Variants in SLC2A13 observed in about 807,000 individuals in gnomAD.
SLC2A13 encodes solute carrier family 2 member 13.
Under a neutral mutation model 64.4 loss-of-function variants are expected in SLC2A13, and 32 were observed. The ratio of observed to expected loss-of-function variants is 0.50; its 90% confidence interval spans 0.37 to 0.67. SLC2A13 has a LOEUF of 0.67. SLC2A13 is among the 30% of genes least tolerant of loss of function. SLC2A13 has a pLI of 0.00. For missense variants in SLC2A13, 743 were observed against 829.2 expected, an observed-to-expected ratio of 0.90 and a Z score of 1.28; for synonymous variants, 338 against 327.1, an observed-to-expected ratio of 1.03 and a Z score of -0.36.
At position 39,830,113 on chromosome 12, in the gene SLC2A13, C is replaced by G; in HGVS notation, c.1435G>C (p.Ala479Pro). ...PVNKASTNEA[A>P]WGRCENETKF... ...AAATGAGTGATATACCTGCCCCAGG[C>G]TGCCTCATTTGTAGATGCTTTATTA... Residue 479 changes from alanine (A) to proline (P), a missense_variant, in exon 7 of 10, where the codon GCC becomes CCC. Physicochemically the swap from Ala to Pro is conservative, Grantham distance 27. Around this residue, in one of 2 missense-constraint regions of SLC2A13, gnomAD observed 295 missense variants for 381.7 expected, o/e 0.77. Transcript: ENST00000280871. The G allele has an allele frequency of 1.2e-6, 2 of 1,613,670 alleles. No homozygotes were observed. The highest frequency in any genetic ancestry group is 1.7e-6 in the Non-Finnish European group (2 of 1,179,742).
intron 4 of SLC2A13, among the ~76,000 whole-genome samples, chr12:39,945,234 T>A (rs1041741197): frequency 3.3e-5 from 5 of 152,224 alleles, no homozygotes; most frequent in African/African-American, 1.2e-4. Flanking sequence ...CTGCTGTTCA[T>A]CTGATAGGTT....
intron 3 of SLC2A13, among the ~76,000 whole-genome samples, chr12:40,001,541 A>G (rs2136182657): frequency 6.6e-6 from 1 of 152,340 alleles, no homozygotes; most frequent in East Asian, 1.9e-4. Flanking sequence ...GCAGGAAAAG[A>G]TAAAGAAAAT....
At position 39,871,946 on chromosome 12, in the gene SLC2A13, G is replaced by T. The variant is rs138677926; in HGVS notation, c.1050C>A (p.Thr350=). 5.9e-5 allele frequency: 95 copies of T among 1,605,518 alleles called. No individual in the cohort carries two copies. The highest frequency in any genetic ancestry group is 3.3e-4 in the Middle Eastern group (2 of 6,040). The change falls in exon 5 of 10, where the codon ACC becomes ACA. Residue 350 remains threonine, a synonymous_variant. Coordinates refer to ENST00000280871, the MANE Select transcript of SLC2A13 (RefSeq NM_052885.4). ...GINTIMYYSA[T]ILQMSGVEDD... is the part of the protein sequence containing the mutation. ...CTTCAACACCAGACATCTGCAGAATGGTTGCACTGTAGTACCTGCAAAGCA... is the reference window on the plus strand; with the variant it reads ...CTTCAACACCAGACATCTGCAGAATTGTTGCACTGTAGTACCTGCAAAGCA...
intron 1 of SLC2A13, among the ~76,000 whole-genome samples, chr12:40,101,338 T>C (rs924446145): frequency 6.6e-5 from 10 of 152,200 alleles, no homozygotes; most frequent in Admixed American, 5.2e-4. Flanking sequence ...ATACAATTCA[T>C]TTAATACCCA....
chr12:39,851,456 C>G (rs1172320038), intron 6 of SLC2A13, among the ~76,000 whole-genome samples: 4 of 152,096 alleles, frequency 2.6e-5, no homozygotes, highest in Non-Finnish European at 5.9e-5. Context: ...TAAAAATGAG[C>G]AGTGCACTTT....
At chr12:39,800,183 G>T (rs190019520) in intron 7 of SLC2A13, among the ~76,000 whole-genome samples, 13 of 152,294 alleles carry the variant, frequency 8.5e-5, no homozygotes, top group African/African-American at 2.6e-4. Context: ...CATTTTTGCA[G>T]AAAGGTAATT....
chr12:39,853,808 A>T (rs1943531655), intron 6 of SLC2A13, among the ~76,000 whole-genome samples: 1 of 152,152 alleles, frequency 6.6e-6, no homozygotes, highest in African/African-American at 2.4e-5. Flanking sequence ...CCAGAATTTC[A>T]TTTATGTTAC....
At chr12:39,893,652 T>C (rs576221002) in intron 4 of SLC2A13, among the ~76,000 whole-genome samples, 1 of 152,194 alleles carries the variant, frequency 6.6e-6, no homozygotes, top group Admixed American at 6.5e-5. Context: ...AAAAGTAAGA[T>C]AAAAGTTAAA....
intron 3 of SLC2A13, among the ~76,000 whole-genome samples, chr12:39,958,591 C>T (rs1013314370): frequency 1.2e-4 from 19 of 152,100 alleles, no homozygotes; most frequent in African/African-American, 3.6e-4. Context: ...CCCACTGAAT[C>T]CTCCACTTAC....
chr12:39,800,361 A>G (rs1434590040), intron 7 of SLC2A13, among the ~76,000 whole-genome samples: 1 of 152,098 alleles, frequency 6.6e-6, no homozygotes, highest in Non-Finnish European at 1.5e-5. Flanking sequence ...CAAAGGGCTA[A>G]TATCCAGAAT....
intron 2 of SLC2A13, among the ~76,000 whole-genome samples, chr12:40,043,180 G>A (rs1352464691): frequency 6.6e-6 from 1 of 152,030 alleles, no homozygotes; most frequent in Non-Finnish European, 1.5e-5. Flanking sequence ...GCCCAGATAA[G>A]TTTTCTAGAC....
intron 1 of SLC2A13, among the ~76,000 whole-genome samples, chr12:40,081,753 T>C (rs1312898157): frequency 1.3e-5 from 2 of 152,262 alleles, no homozygotes; most frequent in Non-Finnish European, 2.9e-5. Context: ...TGACACTCTC[T>C]GGCTTTTTGA....
chr12:40,069,709 T>G (rs1937878750), intron 1 of SLC2A13, among the ~76,000 whole-genome samples: 1 of 152,090 alleles, frequency 6.6e-6, no homozygotes, highest in Non-Finnish European at 1.5e-5. Context: ...TTTATTATTA[T>G]TATTATTCAT....
intron 4 of SLC2A13, among the ~76,000 whole-genome samples, chr12:39,888,758 C>T (rs1401145016): frequency 1.3e-5 from 2 of 152,106 alleles, no homozygotes; most frequent in East Asian, 1.9e-4. Flanking sequence ...ATAGTGTTTT[C>T]CTCTATCTGA....
intron 3 of SLC2A13, among the ~76,000 whole-genome samples, chr12:39,984,701 C>G (rs1005671369): frequency 3.9e-5 from 6 of 152,084 alleles, no homozygotes; most frequent in Admixed American, 2.0e-4. Context: ...AAAAGGTAGT[C>G]AACAGTTTCT....
intron 1 of SLC2A13, among the ~76,000 whole-genome samples, chr12:40,054,590 C>T (rs1380837446): frequency 1.3e-5 from 2 of 152,164 alleles, no homozygotes; most frequent in East Asian, 1.9e-4. Context: ...CACTCATTAT[C>T]GCACTTGGCT....
At chr12:39,988,002 C>T (rs1198310169) in intron 3 of SLC2A13, among the ~76,000 whole-genome samples, 1 of 152,116 alleles carries the variant, frequency 6.6e-6, no homozygotes, top group Non-Finnish European at 1.5e-5. Flanking sequence ...TAATTCTTTG[C>T]CTTGGTCTGA....
At position 39,988,517 on chromosome 12, in the gene SLC2A13, CGAAA is replaced by C. The variant is rs528873880; in HGVS notation, c.926-37156_926-37153del. On this transcript the variant is annotated intron_variant, in intron 3 of 9. Coordinates refer to ENST00000280871, the MANE Select transcript of SLC2A13 (RefSeq NM_052885.4). ...AGGAGAAAAAGAAAGAAAGAATGAA[CGAAA>C]GAAAGAAAGAAGAAAGAAAAAAGAA... Among the ~76,000 whole-genome samples, 98 of 103,428 alleles carry C rather than the reference CGAAA, an allele frequency of 9.5e-4. No individual in the cohort carries two copies. In the Middle Eastern group the frequency reaches 0.019, roughly 21 times the overall value. 67.9% of individuals were successfully genotyped at this position (103,428 alleles called of 152,430 possible).
intron 4 of SLC2A13, among the ~76,000 whole-genome samples, chr12:39,892,776 TA>T (rs923962886): frequency 6.6e-5 from 10 of 151,758 alleles, no homozygotes; most frequent in Admixed American, 1.3e-4. Context: ...GCAACACAGG[TA>T]AAAAAAATTT....
Sources: allele counts gnomAD v4.1 joint callset (sites outside exome capture counted in the v4.1 genomes callset), GRCh38; gene constraint gnomAD v4.1.1; regional missense constraint gnomAD v4.1.1; transcripts MANE v1.5; gene names NCBI Gene and HGNC (gene_info 2026-07-23, HGNC 2026-07-21).